MSI2: variants seen among roughly 807,000 people sequenced by gnomAD.
MSI2 encodes the protein musashi RNA binding protein 2, also known as RNA-binding protein Musashi homolog 2.
In MSI2, 17 loss-of-function variants were observed where a neutral mutation model predicts 45.6. The ratio of observed to expected loss-of-function variants is 0.37; its 90% CI spans 0.26 to 0.56. The LOEUF (loss-of-function observed/expected upper bound fraction) is 0.56. Ranked by LOEUF, MSI2 falls within the 20% of genes least tolerant of loss-of-function variation. The pLI is 0.77. For missense variants in MSI2, 293 were observed against 444.2 expected, an observed-to-expected ratio of 0.66 and a Z score of 3.06; for synonymous variants, 156 against 158.2, an observed-to-expected ratio of 0.99 and a Z score of 0.11.
At chr17:57,577,377 T>G (rs2088078057) in intron 7 of MSI2, among the ~76,000 whole-genome samples, 1 of 152,182 alleles carries the variant, frequency 6.6e-6, no homozygotes. Context: ...TGCAAACCAC[T>G]GGTGGGTCCT....
intron 5 of MSI2, among the ~76,000 whole-genome samples, chr17:57,350,225 G>GGTGTGTGTGTGTGTGTGTGT (rs58596259): frequency 2.5e-4 from 36 of 146,744 alleles, no homozygotes; most frequent in African/African-American, 9.0e-4. Flanking sequence ...CAGAGGTAGG[G>GGTGTGTGTGTGTGTGTGTGT]GTGTGTGTGT....
At chr17:57,650,367 G>A (rs550296528) in intron 10 of MSI2, among the ~76,000 whole-genome samples, 1 of 152,312 alleles carries the variant, frequency 6.6e-6, no homozygotes, top group African/African-American at 2.4e-5. Flanking sequence ...TGGGTGTCCT[G>A]GGGGTTGGGA....
At chr17:57,366,313 G>C (rs1000740339) in intron 5 of MSI2, among the ~76,000 whole-genome samples, 2 of 152,212 alleles carry the variant, frequency 1.3e-5, no homozygotes, top group African/African-American at 4.8e-5. Context: ...GTGGGTTTCT[G>C]TGCTGGACAG....
intron 7 of MSI2, among the ~76,000 whole-genome samples, chr17:57,536,631 T>C (rs78244727): frequency 3.3e-4 from 51 of 152,354 alleles, no homozygotes; most frequent in African/African-American, 1.2e-3. Flanking sequence ...AAGTCTGAGA[T>C]GTGTTAAGGG....
At chr17:57,522,343 G>T (rs2086606783) in intron 6 of MSI2, 1 of 152,266 alleles carries the variant, frequency 6.6e-6, no homozygotes, top group Non-Finnish European at 1.5e-5. Flanking sequence ...AGTTTGGAGA[G>T]CTGGGTTTCT....
chr17:57,356,806 A>G (rs1916455415), intron 5 of MSI2, among the ~76,000 whole-genome samples: 1 of 152,114 alleles, frequency 6.6e-6, no homozygotes, highest in Non-Finnish European at 1.5e-5. Flanking sequence ...GGTGTATGAA[A>G]ATGTTAAGCC....
chr17:57,270,836 G>C (rs1013062729), intron 5 of MSI2, among the ~76,000 whole-genome samples: 2 of 152,176 alleles, frequency 1.3e-5, no homozygotes, highest in Non-Finnish European at 2.9e-5. Context: ...GGGTTGATTA[G>C]CACTGTTGCT....
chr17:57,271,744 CTTTTTTTT>C (rs60803369), intron 5 of MSI2, among the ~76,000 whole-genome samples: 3 of 107,630 alleles, frequency 2.8e-5, no homozygotes, highest in Non-Finnish European at 3.8e-5. Flanking sequence ...CCACTGCAAT[CTTTTTTTT>C]TTTTTTTTTT....
Position 57,529,641 on chromosome 17 carries a change from C to T in MSI2, c.406-35C>T, listed in dbSNP as rs765328286. On this transcript the variant is annotated intron_variant, in intron 6 of 13. Coordinates refer to ENST00000284073, the MANE Select transcript of MSI2 (RefSeq NM_138962.4). The surrounding 1 kb of genome is among the most constrained non-coding windows in gnomAD (Gnocchi z 5.3). ...ATGTTTTGTGTACTTTCTTAAAATTCCTAAGGCAGCCTGTATTCTATATTT... is the reference window on the plus strand; with the variant it reads ...ATGTTTTGTGTACTTTCTTAAAATTTCTAAGGCAGCCTGTATTCTATATTT... 7 of 1,606,842 alleles carry T rather than the reference C, an allele frequency of 4.4e-6. No individual in the cohort carries two copies. The highest frequency in any genetic ancestry group is 5.1e-6 in the Non-Finnish European group (6 of 1,175,466).
At position 57,380,612 on chromosome 17, in the gene MSI2, A is replaced by G. The variant is rs1196593172; in HGVS notation, c.313-20767A>G. On this transcript the variant is annotated intron_variant, in intron 5 of 13. Transcript: ENST00000284073. ...TCCTTGGTGAAATGTGCTGGACTAA[A>G]GGGTTAGTCCTTCAGCCCCCTACCC... 2.6e-5 allele frequency among the ~76,000 whole-genome samples: 4 copies of G among 152,188 alleles called. 1 individual carries two copies. The highest frequency in any genetic ancestry group is 4.8e-5 in the African/African-American group (2 of 41,444).
intron 11 of MSI2, among the ~76,000 whole-genome samples, chr17:57,673,028 C>A (rs1912930005): frequency 6.6e-6 from 1 of 152,162 alleles, no homozygotes; most frequent in Non-Finnish European, 1.5e-5. Flanking sequence ...CCAGTTTATT[C>A]ATTTCTCAGC....
At chr17:57,451,703 G>A (rs1309329120) in intron 6 of MSI2, among the ~76,000 whole-genome samples, 6 of 152,258 alleles carry the variant, frequency 3.9e-5, no homozygotes, top group Non-Finnish European at 7.3e-5. Context: ...AAGGTGGGAA[G>A]TTGGAGCTGC....
intron 6 of MSI2, among the ~76,000 whole-genome samples, chr17:57,469,184 A>G (rs1231090563): frequency 6.6e-6 from 1 of 152,218 alleles, no homozygotes; most frequent in Non-Finnish European, 1.5e-5. Flanking sequence ...GAAAAACAGA[A>G]GTCCTCGACT....
At chr17:57,641,467 C>T (rs1426522123) in intron 10 of MSI2, among the ~76,000 whole-genome samples, 1 of 152,062 alleles carries the variant, frequency 6.6e-6, no homozygotes, top group African/African-American at 2.4e-5. Flanking sequence ...TTCAGGGGCT[C>T]AGCAAGAGAC....
chr17:57,615,006 A>T (rs1041863046), intron 8 of MSI2, among the ~76,000 whole-genome samples: 2 of 152,170 alleles, frequency 1.3e-5, no homozygotes, highest in Admixed American at 1.3e-4. Flanking sequence ...TACTTCCCTC[A>T]GGAGTGTGGT....
At chr17:57,329,658 G>C (rs887932849) in intron 5 of MSI2, among the ~76,000 whole-genome samples, 2 of 152,138 alleles carry the variant, frequency 1.3e-5, no homozygotes, top group African/African-American at 4.8e-5. Context: ...AGTGAAAAAA[G>C]GTTTGTCCTT....
chr17:57,335,925 ATCAG>A (rs1427737637), intron 5 of MSI2, among the ~76,000 whole-genome samples: 6 of 152,212 alleles, frequency 3.9e-5, no homozygotes, highest in Non-Finnish European at 5.9e-5. Context: ...AGACAGGAAG[ATCAG>A]ATCCTGTAAG....
intron 5 of MSI2, chr17:57,285,899 A>G: frequency 1.3e-6 from 2 of 1,532,448 alleles, no homozygotes; most frequent in Non-Finnish European, 1.7e-6. Context: ...GAGGGGTTAT[A>G]TTAAGAAAGT....
At chr17:57,325,650 G>A (rs1388224127) in intron 5 of MSI2, among the ~76,000 whole-genome samples, 1 of 152,138 alleles carries the variant, frequency 6.6e-6, no homozygotes, top group Admixed American at 6.5e-5. Flanking sequence ...GACCGAGTTG[G>A]TGTTGTCATC....
Sources: gnomAD v4.1 joint callset for allele counts (sites outside exome capture counted in the v4.1 genomes callset) on GRCh38, gnomAD v4.1.1 for gene constraint, Gnocchi (gnomAD v3.1) non-coding constraint, MANE v1.5 for transcripts, NCBI Gene and HGNC (gene_info 2026-07-23, HGNC 2026-07-21) for gene names.